The following HDAC9 variants were observed in gnomAD, a reference collection of about 807,000 sequenced individuals.
The protein encoded by HDAC9 is MEF-2 interacting transcription repressor (MITR) protein.
A neutral mutation model predicts 139.4 loss-of-function variants in HDAC9; 41 were observed. The ratio of observed to expected loss-of-function variants is 0.29; its 90% CI spans 0.23 to 0.38. The LOEUF is 0.38. HDAC9 is among the 10% of genes least tolerant of loss of function. The probability of loss-of-function intolerance (pLI) is 1.00; values close to 1 mark genes in which losing one functional copy is unlikely to be tolerated. For missense variants in HDAC9, 1,147 were observed against 1,297.0 expected, an observed-to-expected ratio of 0.88 and a Z score of 1.78; for synonymous variants, 517 against 476.2, an observed-to-expected ratio of 1.09 and a Z score of -1.12.
intron 1 of HDAC9, among the ~76,000 whole-genome samples, chr7:18,439,852 CAAAATGT>C (rs1791582490): frequency 6.6e-6 from 1 of 152,136 alleles, no homozygotes; most frequent in African/African-American, 2.4e-5. Flanking sequence ...CACAAACACA[CAAAATGT>C]AAAATGTATT....
intron 1 of HDAC9, among the ~76,000 whole-genome samples, chr7:18,365,079 A>C (rs993448035): frequency 3.9e-5 from 6 of 152,278 alleles, no homozygotes; most frequent in African/African-American, 1.4e-4. Flanking sequence ...TAAGTTTCAG[A>C]AAAACACCTT....
At chr7:18,907,561 A>G (rs1005180858) in intron 22 of HDAC9, among the ~76,000 whole-genome samples, 12 of 152,252 alleles carry the variant, frequency 7.9e-5, no homozygotes, top group African/African-American at 2.4e-4. Context: ...AAAATTTGCC[A>G]AAAGGTCAAA....
At chr7:18,231,257 G>A (rs948405517) in intron 2 of HDAC9, among the ~76,000 whole-genome samples, 1 of 152,192 alleles carries the variant, frequency 6.6e-6, no homozygotes, top group Non-Finnish European at 1.5e-5. Flanking sequence ...GAATTAAATT[G>A]GATTGCCCTT....
At chr7:18,423,911 A>G (rs1187816690) in intron 1 of HDAC9, among the ~76,000 whole-genome samples, 1 of 152,228 alleles carries the variant, frequency 6.6e-6, no homozygotes, top group African/African-American at 2.4e-5. Context: ...TGAATTGTTC[A>G]CATTTATAAG....
chr7:18,569,676 A>G (rs1216080951), intron 2 of HDAC9, among the ~76,000 whole-genome samples: 2 of 152,190 alleles, frequency 1.3e-5, no homozygotes, highest in Non-Finnish European at 2.9e-5. Context: ...GAATTATTAC[A>G]TTTTCTTATG....
At chr7:18,314,899 CAAAT>C (rs1209895878) in intron 1 of HDAC9, among the ~76,000 whole-genome samples, 1 of 152,072 alleles carries the variant, frequency 6.6e-6, no homozygotes, top group Non-Finnish European at 1.5e-5. Flanking sequence ...TGCACCATCA[CAAAT>C]AAATATGTGT....
chr7:18,957,732 A>G (rs142860358), intron 24 of HDAC9, among the ~76,000 whole-genome samples: 1 of 152,178 alleles, frequency 6.6e-6, no homozygotes, highest in Non-Finnish European at 1.5e-5. Context: ...CCCTGAAGGT[A>G]GTCCTTGTTC....
chr7:18,723,715 T>TA (rs1052611969), intron 12 of HDAC9, among the ~76,000 whole-genome samples: 10 of 150,620 alleles, frequency 6.6e-5, no homozygotes, highest in African/African-American at 2.0e-4. Flanking sequence ...TACTTACTAT[T>TA]AAAAAAAAAG....
At chr7:18,513,329 A>G (rs377222517) in intron 2 of HDAC9, among the ~76,000 whole-genome samples, 4 of 152,210 alleles carry the variant, frequency 2.6e-5, no homozygotes, top group South Asian at 4.1e-4. Context: ...ATAACTTGAG[A>G]CCAAATAAAA....
chr7:18,601,186 A>G (rs1377287578), intron 6 of HDAC9, among the ~76,000 whole-genome samples: 2 of 152,146 alleles, frequency 1.3e-5, no homozygotes, highest in Non-Finnish European at 1.5e-5. Flanking sequence ...TACATCCTCT[A>G]CATAATTTGT....
At chr7:18,775,434 A>C (rs1345443146) in intron 16 of HDAC9, among the ~76,000 whole-genome samples, 1 of 152,032 alleles carries the variant, frequency 6.6e-6, no homozygotes, top group Non-Finnish European at 1.5e-5. Context: ...TATCTTCCTG[A>C]CGATCTGTAA....
intron 12 of HDAC9, among the ~76,000 whole-genome samples, chr7:18,727,260 G>A (rs1284187618): frequency 1.3e-5 from 2 of 152,174 alleles, no homozygotes; most frequent in Non-Finnish European, 2.9e-5. Context: ...TATCTAGGTA[G>A]GAAATGAGTC....
intron 1 of HDAC9, among the ~76,000 whole-genome samples, chr7:18,365,605 T>C (rs1478699373): frequency 1.3e-5 from 2 of 151,482 alleles, no homozygotes; most frequent in Non-Finnish European, 2.9e-5. Flanking sequence ...AATAAGCTTA[T>C]TTTTGAAAGG....
intron 21 of HDAC9, chr7:18,851,423 C>G (rs563305938): frequency 7.9e-5 from 12 of 152,484 alleles, no homozygotes; most frequent in African/African-American, 2.9e-4. Flanking sequence ...TATGAAGTGC[C>G]TTGCTTCTCC....
intron 12 of HDAC9, among the ~76,000 whole-genome samples, chr7:18,691,460 A>T (rs996730738): frequency 6.6e-6 from 1 of 151,982 alleles, no homozygotes; most frequent in African/African-American, 2.4e-5. Context: ...ACTAAATTAT[A>T]TGTTGATTTT....
intron 1 of HDAC9, among the ~76,000 whole-genome samples, chr7:18,476,910 G>A (rs1795153679): frequency 6.6e-6 from 1 of 152,106 alleles, no homozygotes. Context: ...TTTTAAGTTT[G>A]CCCCCTGGAG....
intron 17 of HDAC9, among the ~76,000 whole-genome samples, chr7:18,795,569 G>A (rs1402169840): frequency 2.0e-5 from 3 of 152,142 alleles, no homozygotes; most frequent in Non-Finnish European, 4.4e-5. Context: ...GTGCAGCTGG[G>A]TTATCTTTCT....
chr7:18,129,879 G>A (rs1784897038), intron 1 of HDAC9, among the ~76,000 whole-genome samples: 2 of 152,098 alleles, frequency 1.3e-5, no homozygotes, highest in South Asian at 4.1e-4. Flanking sequence ...GAGAGCATCC[G>A]GTTTCAAGTG....
intron 1 of HDAC9, among the ~76,000 whole-genome samples, chr7:18,379,212 G>A (rs1785231424): frequency 6.6e-6 from 1 of 152,170 alleles, no homozygotes; most frequent in Non-Finnish European, 1.5e-5. Context: ...TTTTTAGTAT[G>A]TCATCAGGTT....
Sources: gnomAD v4.1 joint callset for allele counts (sites outside exome capture counted in the v4.1 genomes callset) on GRCh38, gnomAD v4.1.1 for gene constraint, MANE v1.5 for transcripts, NCBI Gene and HGNC (gene_info 2026-07-23, HGNC 2026-07-21) for gene names.